Variants in MET observed in about 807,000 individuals in gnomAD.
MET encodes the protein hepatocyte growth factor receptor.
Under a neutral mutation model 133.1 loss-of-function variants are expected in MET, and 48 were observed. The ratio of observed to expected loss-of-function variants is 0.36; its 90% CI spans 0.29 to 0.46. MET has a LOEUF of 0.46. MET is among the 20% of genes least tolerant of loss of function. The pLI is 1.00. For synonymous variants in MET, 628 were observed against 616.5 expected, an observed-to-expected ratio of 1.02 and a Z score of -0.28; for missense variants, 1,442 against 1,695.9, an observed-to-expected ratio of 0.85 and a Z score of 2.63.
At chr7:116,696,310 A>G (rs1796965405) in intron 1 of MET, among the ~76,000 whole-genome samples, 1 of 152,148 alleles carries the variant, frequency 6.6e-6, no homozygotes, top group Non-Finnish European at 1.5e-5. Context: ...ATGTCTTTGT[A>G]GACATCCAAT....
chr7:116,685,438 G>T (rs1796515120), intron 1 of MET, among the ~76,000 whole-genome samples: 1 of 152,184 alleles, frequency 6.6e-6, no homozygotes, highest in South Asian at 2.1e-4. Flanking sequence ...AGCACTTTGG[G>T]AGGCTGAGGC....
intron 7 of MET, 26 bp from the exon 8 acceptor site, chr7:116,757,612 T>C: frequency 6.2e-7 from 1 of 1,613,856 alleles, no homozygotes; most frequent in Non-Finnish European, 8.5e-7. Context: ...ACAAGTTACT[T>C]TGTTTTGTTT....
chr7:116,726,174 T>TATATACACACACACATGCATATAC (rs1554387086), intron 2 of MET, among the ~76,000 whole-genome samples: 68 of 8,926 alleles, frequency 7.6e-3, no homozygotes, highest in Middle Eastern at 0.12. Flanking sequence ...TATATATATA[T>TATATACACACACACATGCATATAC]ATATGGGATA....
chr7:116,715,040 T>C (rs548214476), intron 2 of MET, among the ~76,000 whole-genome samples: 3 of 152,312 alleles, frequency 2.0e-5, no homozygotes, highest in African/African-American at 7.2e-5. Flanking sequence ...TCATAGGCAT[T>C]ATGAGGGCTT....
At chr7:116,756,080 T>A (rs1794168032) in intron 6 of MET, among the ~76,000 whole-genome samples, 1 of 152,170 alleles carries the variant, frequency 6.6e-6, no homozygotes, top group South Asian at 2.1e-4. Context: ...AGCAGTATCA[T>A]TCCTATAATA....
intron 5 of MET, among the ~76,000 whole-genome samples, chr7:116,741,793 A>G (rs188382413): frequency 6.6e-6 from 1 of 152,358 alleles, no homozygotes; most frequent in Admixed American, 6.5e-5. Flanking sequence ...TTGAGTGCAT[A>G]CCATTTAGCA....
intron 2 of MET, among the ~76,000 whole-genome samples, chr7:116,729,394 A>G (rs1443357429): frequency 6.6e-6 from 1 of 152,206 alleles, no homozygotes; most frequent in Non-Finnish European, 1.5e-5. Context: ...TTTAATCATA[A>G]AAGTCAGTAG....
chr7:116,763,939 G>T (rs1344980497), intron 11 of MET, among the ~76,000 whole-genome samples: 1 of 152,068 alleles, frequency 6.6e-6, no homozygotes, highest in African/African-American at 2.4e-5. Flanking sequence ...AATAACACAG[G>T]CAAAATGCTC....
intron 1 of MET, among the ~76,000 whole-genome samples, chr7:116,697,994 T>G (rs1002884026): frequency 3.9e-5 from 6 of 152,198 alleles, no homozygotes; most frequent in African/African-American, 1.4e-4. Context: ...TCTGATGTGG[T>G]TTTTGTAGAT....
intron 5 of MET, among the ~76,000 whole-genome samples, chr7:116,752,817 G>C (rs1354636079): frequency 2.0e-5 from 3 of 152,152 alleles, no homozygotes. Flanking sequence ...AGAAAGACGG[G>C]ATGTAGGCAG....
intron 2 of MET, among the ~76,000 whole-genome samples, chr7:116,704,324 A>G (rs1478857697): frequency 6.6e-6 from 1 of 152,098 alleles, no homozygotes; most frequent in Non-Finnish European, 1.5e-5. Context: ...TCTGAACCCC[A>G]CCGTCTTCTA....
At chr7:116,683,831 A>G (rs1369868054) in intron 1 of MET, among the ~76,000 whole-genome samples, 1 of 152,136 alleles carries the variant, frequency 6.6e-6, no homozygotes, top group Non-Finnish European at 1.5e-5. Flanking sequence ...TTCTTTGCCT[A>G]CAATTGTTCT....
At chr7:116,745,918 A>G (rs1793658906) in intron 5 of MET, among the ~76,000 whole-genome samples, 3 of 152,242 alleles carry the variant, frequency 2.0e-5, no homozygotes, top group Non-Finnish European at 4.4e-5. Flanking sequence ...ACAAAAGCCA[A>G]AATTGACAAA....
rs1047442060 is a variant in MET at position 116,673,443 on chromosome 7, T to C, written c.-15+866T>C. Among the ~76,000 whole-genome samples the C allele has an allele frequency of 1.8e-4, 28 of 152,212 alleles. 1 individual carries two copies. Among genetic ancestry groups the C allele is most frequent in the Non-Finnish European group, 4.1e-4 (28 of 68,032 alleles). On this transcript the variant is annotated intron_variant, in intron 1 of 20. Coordinates refer to ENST00000397752, the MANE Select transcript of MET (RefSeq NM_000245.4). ...GGCAAAATAATCAAGATACTTTAAT[T>C]GCTATGTTAAGATGGTCCATGAATG...
At chr7:116,755,999 C>G (rs1434744538) in intron 6 of MET, among the ~76,000 whole-genome samples, 1 of 152,216 alleles carries the variant, frequency 6.6e-6, no homozygotes, top group East Asian at 1.9e-4. Context: ...AATTTATATT[C>G]AGCTTATATT....
At chr7:116,691,316 C>T (rs38848) in intron 1 of MET, among the ~76,000 whole-genome samples, 52,452 of 151,932 alleles carry the variant, frequency 0.35, 10,868 homozygotes, top group Admixed American at 0.46. Flanking sequence ...TAGATATGTT[C>T]TCAAATGCAA....
chr7:116,756,037 TCTCA>T (rs2116913660), intron 6 of MET, among the ~76,000 whole-genome samples: 2 of 152,334 alleles, frequency 1.3e-5, no homozygotes, highest in East Asian at 3.9e-4. Context: ...ATGGGCTGTA[TCTCA>T]CTGAACCATC....
chr7:116,689,172 CCCTTTCATATAGTTATA>C (rs1224186647), intron 1 of MET, among the ~76,000 whole-genome samples: 1 of 152,170 alleles, frequency 6.6e-6, no homozygotes, highest in Non-Finnish European at 1.5e-5. Context: ...TTTCTTTACT[CCCTTTCATATAGTTATA>C]CCTTCATATG....
intron 5 of MET, among the ~76,000 whole-genome samples, chr7:116,753,875 A>G (rs1413967054): frequency 1.3e-5 from 2 of 152,254 alleles, no homozygotes; most frequent in South Asian, 2.1e-4. Context: ...AAAAAGAAGT[A>G]GATTCACTTT....
Sources: gnomAD v4.1 joint callset for allele counts (sites outside exome capture counted in the v4.1 genomes callset) on GRCh38, gnomAD v4.1.1 for gene constraint, MANE v1.5 for transcripts, NCBI Gene and HGNC (gene_info 2026-07-23, HGNC 2026-07-21) for gene names.